ZNF469: variants seen among roughly 807,000 people sequenced by gnomAD.
ZNF469 encodes the protein zinc finger protein 469.
A neutral mutation model predicts 1.0 loss-of-function variants in ZNF469; 1 was observed. The ratio of observed to expected loss-of-function variants is 1.00; its 90% CI spans 0.35 to 4.73. ZNF469 has a LOEUF of 4.73. ZNF469 is among the 30% of genes most tolerant of loss of function. The pLI, the probability that ZNF469 is intolerant of heterozygous loss-of-function variation, is 0.16. For missense variants in ZNF469, 6,100 were observed against 5,356.3 expected, an observed-to-expected ratio of 1.14 and a Z score of -4.33; for synonymous variants, 2,703 against 2,363.4, an observed-to-expected ratio of 1.14 and a Z score of -4.17.
the ZNF469 span, among the ~76,000 whole-genome samples, chr16:88,141,892 T>C: frequency 6.6e-6 from 1 of 152,218 alleles, no homozygotes; most frequent in East Asian, 1.9e-4. Flanking sequence ...GACACCTTGA[T>C]TTCAGCTCCG....
the ZNF469 span, among the ~76,000 whole-genome samples, chr16:88,377,432 G>A: frequency 1.3e-5 from 2 of 152,178 alleles, no homozygotes; most frequent in Non-Finnish European, 2.9e-5. Context: ...GGGGGTGTGT[G>A]CCTGTGCCCC....
the ZNF469 span, among the ~76,000 whole-genome samples, chr16:88,223,051 G>A: frequency 7.2e-5 from 11 of 152,228 alleles, no homozygotes; most frequent in African/African-American, 9.6e-5. Flanking sequence ...GCATGATGAT[G>A]TTCCCAGCAG....
chr16:88,179,224 G>A, the ZNF469 span, among the ~76,000 whole-genome samples: 1 of 152,188 alleles, frequency 6.6e-6, no homozygotes, highest in Non-Finnish European at 1.5e-5. Flanking sequence ...AGGCCTACGG[G>A]CGGGGGTTTG....
chr16:88,196,089 G>T, the ZNF469 span, among the ~76,000 whole-genome samples: 1 of 152,248 alleles, frequency 6.6e-6, no homozygotes, highest in African/African-American at 2.4e-5. Context: ...TTGGACATTG[G>T]AGTCTGTGAG....
At chr16:88,132,993 G>A in the ZNF469 span, among the ~76,000 whole-genome samples, 1 of 152,190 alleles carries the variant, frequency 6.6e-6, no homozygotes, top group Middle Eastern at 3.2e-3. Context: ...AGGTGCGGTG[G>A]GCATGCTGGG....
At position 88,430,059 on chromosome 16, in the gene ZNF469, C is replaced by T; in HGVS notation, c.2589C>T (p.Ser863=). ...YQSDNPEIDS[S]FIDVFADEEP... Reference sequence around the variant, plus strand: ...CGGACAACCCGGAGATCGACAGCAGCTTCATCGACGTCTTCGCGGACGAGG... The same window carrying T: ...CGGACAACCCGGAGATCGACAGCAGTTTCATCGACGTCTTCGCGGACGAGG... Residue 863 remains serine, a synonymous_variant, in exon 3 of 3, where the codon AGC becomes AGT. Coordinates refer to ENST00000565624, the MANE Select transcript of ZNF469 (RefSeq NM_001367624.2). The T allele has an allele frequency of 6.4e-7, 1 of 1,550,390 alleles. No individual in the cohort carries two copies.
the ZNF469 span, among the ~76,000 whole-genome samples, chr16:88,229,606 T>TGTGGATGTAACGC: frequency 4.6e-5 from 3 of 65,860 alleles, no homozygotes; most frequent in East Asian, 3.7e-4. Flanking sequence ...ATGTCACGCG[T>TGTGGATGTAACGC]GTGTGCTGAT....
the ZNF469 span, among the ~76,000 whole-genome samples, chr16:88,138,389 G>A: frequency 3.3e-5 from 5 of 152,298 alleles, no homozygotes; most frequent in East Asian, 3.9e-4. Flanking sequence ...AGCGCCCAGC[G>A]GGTTGTCAAG....
the ZNF469 span, among the ~76,000 whole-genome samples, chr16:88,209,380 T>G: frequency 6.6e-6 from 1 of 151,934 alleles, no homozygotes; most frequent in African/African-American, 2.4e-5. Context: ...AAGCTCAGCC[T>G]CCCAGGTTCA....
the ZNF469 span, among the ~76,000 whole-genome samples, chr16:88,247,274 T>TGAGTAAATGAGTGAGC: frequency 6.7e-6 from 1 of 149,718 alleles, no homozygotes; most frequent in Non-Finnish European, 1.5e-5. Flanking sequence ...AAAGAGTGAG[T>TGAGTAAATGAGTGAGC]GAGTAAATGA....
Position 88,429,345 on chromosome 16 carries a change from C to T in ZNF469, c.1875C>T (p.Leu625=). 1 of 1,549,828 alleles carries T rather than the reference C, an allele frequency of 6.5e-7. No homozygotes were observed. Among genetic ancestry groups the T allele is most frequent in the East Asian group, 2.4e-5 (1 of 40,916 alleles). Residue 625 remains leucine (L), a synonymous_variant, in exon 3 of 3, where the codon CTC becomes CTT. Transcript: ENST00000565624. ...ACCCCAGCTCAGAGGAAAGCCAGCT[C>T]CCCGGCCCCCTCGGGCCCTCGGCCT... ...PANPSSEESQ[L]PGPLGPSAFF...
At chr16:88,364,627 G>A in the ZNF469 span, among the ~76,000 whole-genome samples, 13 of 151,960 alleles carry the variant, frequency 8.6e-5, no homozygotes, top group African/African-American at 3.1e-4. Context: ...CACTTATTTA[G>A]GTCTTAATTT....
At chr16:88,344,877 A>G in the ZNF469 span, among the ~76,000 whole-genome samples, 1 of 152,198 alleles carries the variant, frequency 6.6e-6, no homozygotes, top group African/African-American at 2.4e-5. Context: ...CGAACCCGTC[A>G]GGTCGCCCTG....
At chr16:88,217,720 C>T in the ZNF469 span, among the ~76,000 whole-genome samples, 12 of 111,844 alleles carry the variant, frequency 1.1e-4, no homozygotes, top group East Asian at 7.8e-4. Context: ...CGATAGTTTA[C>T]GGAGAATGAT....
rs765475094 is a variant in ZNF469 at position 88,438,791 on chromosome 16, G to A, written c.11321G>A (p.Ser3774Asn). The A allele has an allele frequency of 5.8e-6, 9 of 1,550,246 alleles. No individual in the cohort carries two copies. The South Asian group carries it at 1.1e-4, about 18-fold the overall frequency. ...TPAKPSFPSRSPAPERLPARA... is the reference protein window; with the variant it reads ...TPAKPSFPSRNPAPERLPARA... ...GCCAAGCCCAGCTTCCCCAGCCGGA[G>A]CCCTGCACCAGAGAGGCTCCCCGCT... The change falls in exon 3 of 3, where the codon AGC becomes AAC. Residue 3774 changes from serine (S) to asparagine (N), a missense_variant. Transcript: ENST00000565624.
At chr16:88,281,892 C>T in the ZNF469 span, among the ~76,000 whole-genome samples, 1 of 152,372 alleles carries the variant, frequency 6.6e-6, no homozygotes, top group East Asian at 1.9e-4. Context: ...CTGTGCCACA[C>T]TGATGCTTGG....
chr16:88,228,006 C>T, the ZNF469 span, among the ~76,000 whole-genome samples: 10 of 152,366 alleles, frequency 6.6e-5, no homozygotes, highest in South Asian at 4.1e-4. Context: ...CGTTACAGGG[C>T]GTTGTTCCTT....
chr16:88,212,211 C>A, the ZNF469 span, among the ~76,000 whole-genome samples: 1 of 152,172 alleles, frequency 6.6e-6, no homozygotes, highest in Admixed American at 6.5e-5. Context: ...CTGAGCTATG[C>A]CTCGGAATCA....
chr16:88,108,832 G>A, the ZNF469 span, among the ~76,000 whole-genome samples: 6 of 152,318 alleles, frequency 3.9e-5, no homozygotes, highest in African/African-American at 1.4e-4. Flanking sequence ...CCATGTGCCA[G>A]CAGCTCTGTG....
Sources: allele counts gnomAD v4.1 joint callset (sites outside exome capture counted in the v4.1 genomes callset), GRCh38; gene constraint gnomAD v4.1.1; transcripts MANE v1.5; gene names NCBI Gene and HGNC (gene_info 2026-07-23, HGNC 2026-07-21).